Variants in CFAP20DC observed in about 807,000 individuals in gnomAD.
CFAP20DC encodes CFAP20 domain containing.
CFAP20DC carries 84 observed loss-of-function variants against 101.7 expected under a neutral mutation model. The ratio of observed to expected loss-of-function variants is 0.83; its 90% CI spans 0.69 to 0.99. The LOEUF (loss-of-function observed/expected upper bound fraction) is 0.99. Ranked by LOEUF, CFAP20DC falls within the 50% of genes least tolerant of loss-of-function variation. CFAP20DC has a pLI of 0.00. For synonymous variants in CFAP20DC, 359 were observed against 351.2 expected (o/e 1.02, Z -0.25); for missense variants, 1,007 against 970.3 (o/e 1.04, Z -0.50).
Position 58,937,727 on chromosome 3 carries a change from T to A in CFAP20DC, c.314A>T (p.Tyr105Phe), listed in dbSNP as rs1481305634. 4 of 1,610,518 alleles carry A rather than the reference T, an allele frequency of 2.5e-6. No individual in the cohort carries two copies. In the East Asian group the frequency reaches 8.9e-5, roughly 36 times the overall value. ...TAGTTCCTTATGGACCGTTGATAAA[T>A]ATAATCTTCTTTTGATGTTCCCTAA... The part of the protein sequence containing the change: ...TDLGNIKRRL[Y>F]LSTVHKELSS... The change falls in exon 5 of 17, where the codon TAT (tyrosine) becomes TTT (phenylalanine). Residue 105 changes from tyrosine (Y) to phenylalanine (F), a missense_variant. Coordinates refer to ENST00000482387, the MANE Select transcript of CFAP20DC (RefSeq NM_001394063.1).
chr3:58,804,885 A>G (rs1471953026), intron 15 of CFAP20DC, among the ~76,000 whole-genome samples: 1 of 152,198 alleles, frequency 6.6e-6, no homozygotes, highest in Non-Finnish European at 1.5e-5. Context: ...TAGTGTATCT[A>G]TTTGTGATAG....
intron 15 of CFAP20DC, among the ~76,000 whole-genome samples, chr3:58,762,234 A>G (rs1318277506): frequency 6.6e-6 from 1 of 152,158 alleles, no homozygotes; most frequent in African/African-American, 2.4e-5. Flanking sequence ...TATTGGGTGC[A>G]TATATATTTA....
rs186126323 is a variant in CFAP20DC, at chr3:58,792,380, T to C, written c.2237+14015A>G. The stretch of plus-strand genomic sequence containing the variant: ...CTTAAGTAAAGCCATTATTGGTGAA[T>C]TGGGAGAAGAGAATACTAAACAACC... On this transcript the variant is annotated intron_variant, in intron 15 of 16. Transcript: ENST00000482387. 5.3e-5 allele frequency among the ~76,000 whole-genome samples: 8 copies of C among 152,220 alleles called. No homozygotes were observed. The East Asian group carries it at 7.7e-4, about 15-fold the overall frequency.
At chr3:58,877,149 G>C (rs1326610071) in intron 7 of CFAP20DC, among the ~76,000 whole-genome samples, 1 of 152,102 alleles carries the variant, frequency 6.6e-6, no homozygotes, top group African/African-American at 2.4e-5. Flanking sequence ...GTATTTAACA[G>C]TTTAGTAAGT....
At chr3:58,814,158 G>A (rs12635827) in intron 14 of CFAP20DC, among the ~76,000 whole-genome samples, 15,136 of 151,642 alleles carry the variant, frequency 0.1, 1,445 homozygotes, top group East Asian at 0.35. Flanking sequence ...TCACAGACCT[G>A]ATATTCAGGT....
chr3:58,962,593 AC>A (rs997344251), intron 4 of CFAP20DC, among the ~76,000 whole-genome samples: 4 of 152,178 alleles, frequency 2.6e-5, no homozygotes, highest in Admixed American at 1.3e-4. Context: ...CTTGGTGGTC[AC>A]CAACAATTGG....
At chr3:58,824,780 C>CT (rs975973765) in intron 14 of CFAP20DC, among the ~76,000 whole-genome samples, 3 of 150,764 alleles carry the variant, frequency 2.0e-5, no homozygotes, top group African/African-American at 4.9e-5. Flanking sequence ...CTTTTCTTTT[C>CT]TTTTTTGTAA....
At chr3:58,959,629 C>A (rs2090960635) in intron 4 of CFAP20DC, among the ~76,000 whole-genome samples, 1 of 152,184 alleles carries the variant, frequency 6.6e-6, no homozygotes, top group South Asian at 2.1e-4. Flanking sequence ...TCTACATGTC[C>A]TCTTCATGCC....
At chr3:59,017,614 T>C (rs531760258) in intron 4 of CFAP20DC, 2 of 152,146 alleles carry the variant, frequency 1.3e-5, no homozygotes, top group African/African-American at 4.8e-5. Context: ...TTGGTTGTTG[T>C]TGGATACCAG....
intron 4 of CFAP20DC, among the ~76,000 whole-genome samples, chr3:58,977,031 G>A (rs1319533601): frequency 6.6e-6 from 1 of 152,180 alleles, no homozygotes; most frequent in Non-Finnish European, 1.5e-5. Flanking sequence ...AATAGTACAA[G>A]TGTTTGGGGT....
chr3:58,948,032 C>T (rs541633271), intron 4 of CFAP20DC, among the ~76,000 whole-genome samples: 1 of 152,288 alleles, frequency 6.6e-6, no homozygotes, highest in East Asian at 1.9e-4. Context: ...TATATTGGAA[C>T]TTGGGTCCAT....
intron 4 of CFAP20DC, among the ~76,000 whole-genome samples, chr3:58,993,542 C>T (rs2093009661): frequency 6.6e-6 from 1 of 152,068 alleles, no homozygotes; most frequent in Non-Finnish European, 1.5e-5. Context: ...AGGTATTAAG[C>T]TCATCACCCA....
At chr3:58,909,438 T>C (rs190378308) in intron 6 of CFAP20DC, among the ~76,000 whole-genome samples, 283 of 152,348 alleles carry the variant, frequency 1.9e-3, no homozygotes, top group African/African-American at 6.4e-3. Flanking sequence ...TGTTTTGTTG[T>C]AGGTTTTCTA....
At chr3:58,962,541 T>A (rs1353434292) in intron 4 of CFAP20DC, among the ~76,000 whole-genome samples, 1 of 152,196 alleles carries the variant, frequency 6.6e-6, no homozygotes, top group Non-Finnish European at 1.5e-5. Flanking sequence ...TTACTTTACT[T>A]TTAAGCCTGG....
chr3:58,884,685 G>A lies in CFAP20DC; in HGVS notation c.575C>T (p.Thr192Ile). ...KDAVYGVPFS[T>I]DEPTDIIPRS... ...TGGTATAATATCTGTAGGCTCATCT[G>A]TTGAAAAGGGAACACCATAGACAGC... The change falls in exon 7 of 17, where the codon ACA (threonine) becomes ATA (isoleucine). Residue 192 changes from threonine to isoleucine, a missense_variant. Physicochemically the swap from Thr to Ile is moderately conservative, Grantham distance 89. Coordinates refer to ENST00000482387, the MANE Select transcript of CFAP20DC (RefSeq NM_001394063.1). 2 of 1,613,348 alleles carry A rather than the reference G, an allele frequency of 1.2e-6. No individual in the cohort carries two copies. Among genetic ancestry groups the A allele is most frequent in the South Asian group, 2.2e-5 (2 of 90,932 alleles).
intron 14 of CFAP20DC, among the ~76,000 whole-genome samples, chr3:58,814,573 G>A (rs1404327876): frequency 6.6e-6 from 1 of 151,358 alleles, no homozygotes; most frequent in African/African-American, 2.5e-5. Context: ...AATTGTCTCT[G>A]TTTGCAGATG....
intron 14 of CFAP20DC, among the ~76,000 whole-genome samples, chr3:58,816,991 CG>C (rs2075230057): frequency 6.6e-6 from 1 of 152,160 alleles, no homozygotes; most frequent in Non-Finnish European, 1.5e-5. Context: ...CCCTGACCCC[CG>C]AGCAGCCTAA....
intron 4 of CFAP20DC, among the ~76,000 whole-genome samples, chr3:58,940,236 G>A (rs1394688813): frequency 6.6e-6 from 1 of 152,170 alleles, no homozygotes; most frequent in Non-Finnish European, 1.5e-5. Flanking sequence ...AGACAGCGAT[G>A]AAAAAGACAA....
intron 4 of CFAP20DC, among the ~76,000 whole-genome samples, chr3:58,981,859 G>T (rs1196923808): frequency 2.0e-5 from 3 of 152,242 alleles, no homozygotes; most frequent in South Asian, 2.1e-4. Context: ...TGACAAATGG[G>T]ATCTAATTAA....
Sources: allele counts gnomAD v4.1 joint callset (sites outside exome capture counted in the v4.1 genomes callset), GRCh38; gene constraint gnomAD v4.1.1; transcripts MANE v1.5; gene names NCBI Gene and HGNC (gene_info 2026-07-23, HGNC 2026-07-21).